The following PREPL variants were observed in gnomAD, a reference collection of about 807,000 sequenced individuals.
PREPL encodes prolyl endopeptidase like, also known as prolyl endopeptidase-like.
In PREPL, 77 loss-of-function variants were observed where a neutral mutation model predicts 70.6. The ratio of observed to expected loss-of-function variants is 1.09; its 90% confidence interval spans 0.91 to 1.32. The LOEUF is 1.32. PREPL is among the 40% of genes most tolerant of loss of function. The pLI is 0.00. For missense variants in PREPL, 1,002 were observed against 778.2 expected, an observed-to-expected ratio of 1.29 and a Z score of -3.42; for synonymous variants, 315 against 264.8, an observed-to-expected ratio of 1.19 and a Z score of -1.84.
chr2:44,328,438 C>CA (rs1194898905), intron 9 of PREPL, among the ~76,000 whole-genome samples: 1,165 of 61,212 alleles, frequency 0.019, 45 homozygotes, highest in East Asian at 0.065. Context: ...CTGTCTCAAA[C>CA]AAAAAAAAAA....
At position 44,336,775 on chromosome 2, in the gene PREPL, C is replaced by T. The variant is rs113467150; in HGVS notation, c.888+1576G>A. Among the ~76,000 whole-genome samples the T allele has an allele frequency of 2.2e-3, 333 of 152,186 alleles. 1 individual carries two copies. Among genetic ancestry groups the T allele is most frequent in the Non-Finnish European group, 3.9e-3 (265 of 67,992 alleles). ...TACTTTGCACTCCAGCAGATGAAGA[C>T]AATAAGGACATCCCTCCAAGTCAGT... On this transcript the variant is annotated intron_variant, in intron 7 of 13. Coordinates refer to ENST00000409411, the MANE Select transcript of PREPL (RefSeq NM_001171613.2).
rs1294070421 is a variant in PREPL, at chr2:44,344,251, TC to T, written c.142+268del. Reference sequence around the variant, plus strand: ...GAAAGTAAGTGAATATAAATGACAATCAACAATATATGCCAAGTGCCTAGCA... The same window carrying T: ...GAAAGTAAGTGAATATAAATGACAATAACAATATATGCCAAGTGCCTAGCA... On this transcript the variant is annotated intron_variant, in intron 3 of 13. Coordinates refer to ENST00000409411, the MANE Select transcript of PREPL (RefSeq NM_001171613.2). Among the ~76,000 whole-genome samples the T allele has an allele frequency of 3.9e-5, 6 of 152,220 alleles. No homozygotes were observed. In the East Asian group the frequency reaches 1.2e-3, roughly 29 times the overall value.
chr2:44,342,380 T>A (rs920014752), intron 5 of PREPL, 37 bp downstream of exon 5: 84 of 1,553,696 alleles, frequency 5.4e-5, no homozygotes, highest in Non-Finnish European at 7.3e-5. Flanking sequence ...TGGAGGAAGG[T>A]TCTGGAGAGA....
chr2:44,319,269 A>G lies in PREPL; in HGVS notation c.*2087T>C, dbSNP rs1209365269. The G allele has an allele frequency of 6.6e-6, 1 of 152,654 alleles. No individual in the cohort carries two copies. Among genetic ancestry groups the G allele is most frequent in the Non-Finnish European group, 1.5e-5 (1 of 68,042 alleles). The allele number at this position is 152,654 out of a possible 1,614,324, so 9.5% of individuals were successfully genotyped here. A position where few individuals can be genotyped will look rare whatever the true frequency, so the allele number is the denominator to read the frequency against. ...CTGGCAAGAATACAATTAAATGAAC[A>G]TTATCACTGATTTGGCAACAGCTCT... On this transcript the variant is annotated 3_prime_UTR_variant, in exon 14 of 14. Transcript: ENST00000409411.
At chr2:44,344,084 G>A (rs1675519073) in intron 3 of PREPL, 133 bp from the exon 4 acceptor site, 2 of 1,082,106 alleles carry the variant, frequency 1.8e-6, no homozygotes, top group Non-Finnish European at 1.3e-6. Flanking sequence ...AACAATGATG[G>A]CAGCTTAACT....
chr2:44,326,844 G>C lies in PREPL; in HGVS notation c.1347C>G (p.Cys449Trp), dbSNP rs755665772. Reference protein sequence around the residue: ...KLNGLADLEACIKTLHGQGFS... With the variant: ...KLNGLADLEAWIKTLHGQGFS... Reference sequence around the variant, plus strand: ...AGCCTTGGCCATGAAGCGTCTTAATGCAAGCCTCTAAATCAGCAAGGCCAT... The same window carrying C: ...AGCCTTGGCCATGAAGCGTCTTAATCCAAGCCTCTAAATCAGCAAGGCCAT... Residue 449 changes from cysteine (C) to tryptophan (W), a missense_variant, in exon 10 of 14, where the codon TGC becomes TGG. By Grantham distance (215) the Cys-to-Trp change is radical. Coordinates refer to ENST00000409411, the MANE Select transcript of PREPL (RefSeq NM_001171613.2). 3 of 1,614,040 alleles carry C rather than the reference G, an allele frequency of 1.9e-6. No individual in the cohort carries two copies. Among genetic ancestry groups the C allele is most frequent in the Non-Finnish European group, 2.5e-6 (3 of 1,180,022 alleles).
chr2:44,342,072 G>A (rs964182193), intron 5 of PREPL, among the ~76,000 whole-genome samples: 23 of 151,966 alleles, frequency 1.5e-4, no homozygotes, highest in Non-Finnish European at 7.4e-5. Context: ...TACAAACCTG[G>A]CACCCTGCTT....
Position 44,320,400 on chromosome 2 carries a change from C to A in PREPL, c.*956G>T, listed in dbSNP as rs1572831410. The A allele has an allele frequency of 2.5e-6, 4 of 1,614,042 alleles. No homozygotes were observed. Among genetic ancestry groups the A allele is most frequent in the East Asian group, 2.2e-5 (1 of 44,882 alleles). Reference sequence around the variant, plus strand: ...TTTTGGAGAATCAACACTGTTAAATCTACATAATATGATTTCGGGCCTTCC... The same window carrying A: ...TTTTGGAGAATCAACACTGTTAAATATACATAATATGATTTCGGGCCTTCC... On this transcript the variant is annotated 3_prime_UTR_variant, in exon 14 of 14. Coordinates refer to ENST00000409411, the MANE Select transcript of PREPL (RefSeq NM_001171613.2).
intron 8 of PREPL, among the ~76,000 whole-genome samples, chr2:44,329,805 T>C (rs1196125791): frequency 6.6e-6 from 1 of 152,204 alleles, no homozygotes; most frequent in Non-Finnish European, 1.5e-5. Flanking sequence ...ACTCATCAGT[T>C]CCAGTTGATT....
intron 6 of PREPL, 54 bp downstream of exon 6, chr2:44,339,093 G>A (rs960771919): frequency 1.4e-5 from 23 of 1,596,286 alleles, no homozygotes; most frequent in Middle Eastern, 1.8e-4. Context: ...GTTGTTGATC[G>A]AAGTGTGACA....
In PREPL at chr2:44,319,011, ACTT is replaced by A. The variant is rs1212533840; in HGVS notation, c.*2342_*2344del. ...CAATAATAGCTAACACTTACCGGGC[ACTT>A]CTTATGTGAGTGGCACTGAAACATG... On this transcript the variant is annotated 3_prime_UTR_variant, in exon 14 of 14. Transcript: ENST00000409411. 6.6e-6 allele frequency: 1 copy of A among 152,246 alleles called. No homozygotes were observed. Among genetic ancestry groups the A allele is most frequent in the East Asian group, 1.9e-4 (1 of 5,204 alleles). 9.4% of individuals were successfully genotyped at this position (152,246 alleles called of 1,614,324 possible).
intron 1 of PREPL, among the ~76,000 whole-genome samples, chr2:44,357,484 T>A (rs1004352344): frequency 1.3e-5 from 2 of 152,222 alleles, no homozygotes; most frequent in Admixed American, 1.3e-4. Context: ...GAGGGAATGG[T>A]TGATACATGA....
At chr2:44,334,068 C>A (rs932251159) in intron 7 of PREPL, among the ~76,000 whole-genome samples, 7 of 152,280 alleles carry the variant, frequency 4.6e-5, no homozygotes, top group Admixed American at 4.6e-4. Context: ...ATGTTTTAAT[C>A]ATAATAAAAA....
chr2:44,322,143 T>C (rs189023409), intron 12 of PREPL, among the ~76,000 whole-genome samples: 7 of 151,996 alleles, frequency 4.6e-5, no homozygotes, highest in African/African-American at 1.5e-4. Context: ...ACGGACAAGG[T>C]TGAAACCCAG....
chr2:44,320,393 G>T lies in PREPL; in HGVS notation c.*963C>A. 6.2e-7 allele frequency: 1 copy of T among 1,614,044 alleles called. No individual in the cohort carries two copies. Among genetic ancestry groups the T allele is most frequent in the Non-Finnish European group, 8.5e-7 (1 of 1,179,918 alleles). On this transcript the variant is annotated 3_prime_UTR_variant, in exon 14 of 14. Coordinates refer to ENST00000409411, the MANE Select transcript of PREPL (RefSeq NM_001171613.2). ...TTCTGAATTTTGGAGAATCAACACT[G>T]TTAAATCTACATAATATGATTTCGG...
intron 7 of PREPL, among the ~76,000 whole-genome samples, chr2:44,334,234 G>C (rs1175215248): frequency 6.6e-6 from 1 of 152,126 alleles, no homozygotes; most frequent in Non-Finnish European, 1.5e-5. Flanking sequence ...AAGTAGGCCA[G>C]GAGATAGGGA....
chr2:44,335,173 GA>G (rs1450534104), intron 7 of PREPL, among the ~76,000 whole-genome samples: 1 of 152,150 alleles, frequency 6.6e-6, no homozygotes, highest in Non-Finnish European at 1.5e-5. Flanking sequence ...TGAAGAGATA[GA>G]AGATACAGAA....
rs2289462 is a variant in PREPL at position 44,319,992 on chromosome 2, A to G, written c.*1364T>C. ...GCACTGTGCGTACTTATTGACTCCC[A>G]GACAAGCCGAAACCCCGAATTTGTC... On this transcript the variant is annotated 3_prime_UTR_variant, in exon 14 of 14. Coordinates refer to ENST00000409411, the MANE Select transcript of PREPL (RefSeq NM_001171613.2). 369,547 of 566,202 alleles carry G rather than the reference A, an allele frequency of 0.65. 122,783 individuals carry two copies. Among genetic ancestry groups the G allele is most frequent in the Middle Eastern group, 0.7 (1,446 of 2,076 alleles). 35.1% of individuals were successfully genotyped at this position (566,202 alleles called of 1,614,324 possible). A position where few individuals can be genotyped will look rare whatever the true frequency, so the allele number is the denominator to read the frequency against.
At chr2:44,359,580 AT>A (rs1254854422) in intron 1 of PREPL, 1 of 1,612,424 alleles carries the variant, frequency 6.2e-7, no homozygotes, top group Non-Finnish European at 8.5e-7. Context: ...GTTAGGTGAT[AT>A]TTTTTCAATT....
Sources: allele counts gnomAD v4.1 joint callset (sites outside exome capture counted in the v4.1 genomes callset), GRCh38; gene constraint gnomAD v4.1.1; transcripts MANE v1.5; gene names NCBI Gene and HGNC (gene_info 2026-07-23, HGNC 2026-07-21).